CPNE7: variants seen among roughly 807,000 people sequenced by gnomAD.
CPNE7 encodes the protein copine 7.
CPNE7 carries 78 observed loss-of-function variants against 66.5 expected under a neutral mutation model. That is an observed-to-expected ratio of 1.17 (90% confidence interval 0.98 to 1.42). The LOEUF (loss-of-function observed/expected upper bound fraction) is 1.42, where lower values mean the gene tolerates loss of function less well. CPNE7 is among the 40% of genes most tolerant of loss of function. CPNE7 has a pLI of 0.00. For synonymous variants in CPNE7, 468 were observed against 336.7 expected, an observed-to-expected ratio of 1.39 and a Z score of -4.27; for missense variants, 1,012 against 776.6, an observed-to-expected ratio of 1.30 and a Z score of -3.60.
intron 9 of CPNE7, 63 bp from the exon 10 acceptor site, chr16:89,588,612 C>T (rs980637473): frequency 1.9e-6 from 3 of 1,601,624 alleles, no homozygotes; most frequent in South Asian, 2.2e-5. Context: ...GTTTCTCTAC[C>T]TGTCAGGAGC....
chr16:89,586,167 G>A (rs1207407033), intron 7 of CPNE7, among the ~76,000 whole-genome samples: 2 of 152,080 alleles, frequency 1.3e-5, no homozygotes, highest in African/African-American at 2.4e-5. Flanking sequence ...TCCTGATGGG[G>A]TTGTGGGGAG....
intron 2 of CPNE7, among the ~76,000 whole-genome samples, chr16:89,578,067 CT>C (rs11340227): frequency 0.69 from 78,280 of 113,268 alleles, 27,162 homozygotes; most frequent in Non-Finnish European, 0.81. Context: ...TTTTCTTTTT[CT>C]TTTTTTTTTT....
At chr16:89,578,992 T>C (rs1478986548) in intron 2 of CPNE7, 4 of 1,599,142 alleles carry the variant, frequency 2.5e-6, no homozygotes, top group South Asian at 1.1e-5. Context: ...TTCTTTTTTA[T>C]TGAGGTAAAA....
At chr16:89,577,797 G>A (rs1597690039) in intron 2 of CPNE7, 76 bp downstream of exon 2, 1 of 1,464,930 alleles carries the variant, frequency 6.8e-7, no homozygotes, top group South Asian at 1.3e-5. Flanking sequence ...TGATGTACCA[G>A]CACCGCAGGG....
chr16:89,593,892 A>C (rs187468241), intron 13 of CPNE7, among the ~76,000 whole-genome samples: 2 of 152,272 alleles, frequency 1.3e-5, no homozygotes, highest in East Asian at 3.9e-4. Flanking sequence ...TGTGGCTGGG[A>C]AGCGGGTCTC....
Position 89,587,458 on chromosome 16 carries a change from G to A in CPNE7, c.927+356G>A, listed in dbSNP as rs1265926105. 7.3e-5 allele frequency: 31 copies of A among 427,014 alleles called. 1 individual carries two copies. In the Admixed American group the frequency reaches 7.6e-4, roughly 10 times the overall value. The allele number at this position is 427,014 out of a possible 1,614,324, so 26.5% of individuals were successfully genotyped here. A position where few individuals can be genotyped will look rare whatever the true frequency, so the allele number is the denominator to read the frequency against. ...TCCTGGGGGTCCTCCCTTTTGCGCA[G>A]GCGAGGAAACGGGCTTGGGGTTCAG... On this transcript the variant is annotated intron_variant, in intron 9 of 14. Coordinates refer to ENST00000319518, the MANE Select transcript of CPNE7 (RefSeq NM_153636.3).
rs753398994 is a variant in CPNE7, at chr16:89,576,052, C to T, written c.155C>T (p.Ala52Val). ...CCCAGCGTGGCGTTGCTGCAGCAGG[C>T]GCAGGGCCAGTGGGTGCAGGTAGGG... ...SDPSVALLQQ[A>V]QGQWVQVGRT... is the part of the protein sequence containing the mutation. Residue 52 changes from alanine (A) to valine (V), a missense_variant, in exon 1 of 15, where the codon GCG becomes GTG. Coordinates refer to ENST00000319518, the MANE Select transcript of CPNE7 (RefSeq NM_153636.3). The T allele has an allele frequency of 4.7e-5, 61 of 1,310,366 alleles. No individual in the cohort carries two copies. In the South Asian group the frequency reaches 1.2e-3, roughly 26 times the overall value. 81.2% of individuals were successfully genotyped at this position (1,310,366 alleles called of 1,614,324 possible).
chr16:89,593,172 A>G (rs1004870020), intron 13 of CPNE7, among the ~76,000 whole-genome samples: 4 of 151,942 alleles, frequency 2.6e-5, no homozygotes, highest in African/African-American at 9.7e-5. Context: ...ATGATGATCA[A>G]ACATCACCCG....
rs538780757 is a variant in CPNE7 at position 89,581,273 on chromosome 16, C to T, written c.358-2424C>T. Among the ~76,000 whole-genome samples, 89 of 150,760 alleles carry T rather than the reference C, an allele frequency of 5.9e-4. 1 individual carries two copies. The highest frequency in any genetic ancestry group is 1.9e-3 in the African/African-American group (78 of 40,918). ...ACATCCGATCACCCGTCACACGGAA[C>T]ATCCTGTCACCAGTCACACAGAACA... On this transcript the variant is annotated intron_variant, in intron 2 of 14. Coordinates refer to ENST00000319518, the MANE Select transcript of CPNE7 (RefSeq NM_153636.3).
intron 13 of CPNE7, among the ~76,000 whole-genome samples, chr16:89,594,455 C>T (rs1192140679): frequency 3.3e-5 from 5 of 152,068 alleles, no homozygotes; most frequent in African/African-American, 7.2e-5. Flanking sequence ...TTCCAGGACA[C>T]ATCTGCCCTC....
chr16:89,588,413 G>A (rs138923607), intron 9 of CPNE7, among the ~76,000 whole-genome samples: 55 of 152,272 alleles, frequency 3.6e-4, no homozygotes, highest in Admixed American at 1.8e-3. Flanking sequence ...AAGGATGGGC[G>A]GGGCCCCCAC....
At chr16:89,576,221 G>A in intron 1 of CPNE7, 150 bp downstream of exon 1, 1 of 562,082 alleles carries the variant, frequency 1.8e-6, no homozygotes, top group Non-Finnish European at 2.7e-6. Flanking sequence ...CAGGGTTGGG[G>A]GTTACCAGGT....
chr16:89,577,851 C>T (rs2058885156), intron 2 of CPNE7, 130 bp downstream of exon 2: 1 of 713,618 alleles, frequency 1.4e-6, no homozygotes, highest in East Asian at 2.7e-5. Flanking sequence ...CTCCTCAGCT[C>T]CTCCTGAACA....
rs1282048518 is a variant in CPNE7 at position 89,584,294 on chromosome 16, T to G, written c.507+192T>G. Reference sequence around the variant, plus strand: ...TCACCGCCATTAGCTCTCCCGCCCCTCCTGGCAGCTGGGCTGGGGCTGGGG... The same window carrying G: ...TCACCGCCATTAGCTCTCCCGCCCCGCCTGGCAGCTGGGCTGGGGCTGGGG... On this transcript the variant is annotated intron_variant, in intron 4 of 14. Coordinates refer to ENST00000319518, the MANE Select transcript of CPNE7 (RefSeq NM_153636.3). The surrounding 1 kb of genome is among the most constrained non-coding windows in gnomAD (Gnocchi z 6.0). Among the ~76,000 whole-genome samples, 1 of 152,136 alleles carries G rather than the reference T, an allele frequency of 6.6e-6. No homozygotes were observed.
chr16:89,579,817 C>A (rs1252618403), intron 2 of CPNE7, among the ~76,000 whole-genome samples: 1 of 68,278 alleles, frequency 1.5e-5, no homozygotes, highest in African/African-American at 4.1e-5. Context: ...ACCCGTCACA[C>A]GGAACATCCC....
Position 89,584,246 on chromosome 16 carries a change from C to A in CPNE7, c.507+144C>A, listed in dbSNP as rs368767587. 1.3e-6 allele frequency: 1 copy of A among 792,200 alleles called. No homozygotes were observed. The highest frequency in any genetic ancestry group is 3.0e-5 in the Admixed American group (1 of 33,040). The allele number at this position is 792,200 out of a possible 1,614,324, so 49.1% of individuals were successfully genotyped here. ...GTGTGCCTGGGGCTGGGCGTGCTGC[C>A]GTCACGGTCGCCATCATCACTGTCA... On this transcript the variant is annotated intron_variant, in intron 4 of 14. Transcript: ENST00000319518. This position sits in a 1 kb window ranked among gnomAD's most constrained non-coding sequence, Gnocchi z 6.0.
intron 2 of CPNE7, 35 bp from the exon 3 acceptor site, chr16:89,583,662 C>T: frequency 6.2e-7 from 1 of 1,611,842 alleles, no homozygotes; most frequent in Non-Finnish European, 8.5e-7. Flanking sequence ...GCCGTCCCCG[C>T]CTGCCCCTCC....
At chr16:89,585,395 A>G in intron 5 of CPNE7, 69 bp from the exon 6 acceptor site, 1 of 1,087,928 alleles carries the variant, frequency 9.2e-7, no homozygotes, top group Non-Finnish European at 1.4e-6. Flanking sequence ...TCTTCCACCC[A>G]GGTCTCTATC....
Position 89,591,269 on chromosome 16 carries a change from C to A in CPNE7, c.1302+9C>A. 6.4e-7 allele frequency: 1 copy of A among 1,563,678 alleles called. No homozygotes were observed. The highest frequency in any genetic ancestry group is 8.7e-7 in the Non-Finnish European group (1 of 1,155,220). ...GCACCGGGAAAGCCTCTGTAGGTGC[C>A]CGGGGGGTGTGGTGCATGCTTGGTG... On this transcript the variant is annotated intron_variant, in intron 13 of 14. Transcript: ENST00000319518.
Sources: allele counts gnomAD v4.1 joint callset (sites outside exome capture counted in the v4.1 genomes callset), GRCh38; gene constraint gnomAD v4.1.1; non-coding constraint Gnocchi (gnomAD v3.1); transcripts MANE v1.5; gene names NCBI Gene and HGNC (gene_info 2026-07-23, HGNC 2026-07-21).